NDE1: variants seen among roughly 807,000 people sequenced by gnomAD.
The protein encoded by NDE1 is nudE neurodevelopment protein 1.
A neutral mutation model predicts 43.4 loss-of-function variants in NDE1; 28 were observed. The ratio of observed to expected loss-of-function variants is 0.65; its 90% CI spans 0.48 to 0.89. NDE1 has a LOEUF of 0.89. NDE1 is among the 40% of genes least tolerant of loss of function. The probability of loss-of-function intolerance (pLI) is 0.00; values close to 1 mark genes in which losing one functional copy is unlikely to be tolerated. For missense variants in NDE1, 441 were observed against 434.1 expected (o/e 1.02, Z -0.14); for synonymous variants, 184 against 172.0 (o/e 1.07, Z -0.55).
At position 15,691,256 on chromosome 16, in the gene NDE1, G is replaced by A. The variant is rs1240861371; in HGVS notation, c.636G>A (p.Val212=). 1 of 1,614,074 alleles carries A rather than the reference G, an allele frequency of 6.2e-7. No homozygotes were observed. The highest frequency in any genetic ancestry group is 1.3e-5 in the African/African-American group (1 of 74,926). ...TDTAVQATGS[V]PSTPIAHRGP... Reference sequence around the variant, plus strand: ...CAGCTGTGCAGGCCACGGGCTCCGTGCCGTCCACGCCCATTGCTCACCGAG... The same window carrying A: ...CAGCTGTGCAGGCCACGGGCTCCGTACCGTCCACGCCCATTGCTCACCGAG... The change falls in exon 6 of 9, where the codon GTG becomes GTA. Residue 212 remains valine (V), a synonymous_variant. Transcript: ENST00000396354.
At chr16:15,650,318 TG>T (rs1478164229) in intron 1 of NDE1, 24 bp downstream of exon 1, 1 of 265,304 alleles carries the variant, frequency 3.8e-6, no homozygotes, top group Non-Finnish European at 7.7e-6. Context: ...TGCGCGGGGC[TG>T]GGGTCGGGGT....
At chr16:15,701,457 T>C (rs941943654) in intron 8 of NDE1, 5 of 152,140 alleles carry the variant, frequency 3.3e-5, no homozygotes, top group African/African-American at 1.2e-4. Flanking sequence ...GAGGGGTCTT[T>C]GGGGCAAGAT....
chr16:15,687,958 T>G (rs920998057), intron 5 of NDE1, among the ~76,000 whole-genome samples: 1 of 151,670 alleles, frequency 6.6e-6, no homozygotes, highest in Admixed American at 6.6e-5. Context: ...GAGGATCTCT[T>G]GAGCCCAGGA....
intron 1 of NDE1, among the ~76,000 whole-genome samples, chr16:15,650,801 A>AC (rs1259172059): frequency 6.7e-6 from 1 of 149,384 alleles, no homozygotes; most frequent in Admixed American, 6.7e-5. Context: ...GCGACCCCAG[A>AC]CCCCTCGATT....
intron 8 of NDE1, chr16:15,714,688 G>C: frequency 1.6e-6 from 1 of 624,320 alleles, no homozygotes; most frequent in Non-Finnish European, 2.8e-6. Flanking sequence ...GATCGTTAAA[G>C]GATCTAGAAG....
chr16:15,707,360 T>A (rs920515881), intron 8 of NDE1, among the ~76,000 whole-genome samples: 1 of 152,146 alleles, frequency 6.6e-6, no homozygotes, highest in Non-Finnish European at 1.5e-5. Flanking sequence ...GGACTCAGCT[T>A]ATCCAAGGCC....
At chr16:15,677,715 C>A in intron 3 of NDE1, 86 bp from the exon 4 acceptor site, 1 of 1,492,568 alleles carries the variant, frequency 6.7e-7, no homozygotes, top group Non-Finnish European at 9.3e-7. Context: ...TCCCGAGTAG[C>A]TGTGACTCCA....
upstream of NDE1, chr16:15,649,583 C>A (rs2036403314): frequency 6.6e-6 from 1 of 152,452 alleles, no homozygotes. Context: ...CTTGGCCTCC[C>A]AAAGTGCTGG....
chr16:15,656,575 C>G (rs956515612), intron 1 of NDE1, among the ~76,000 whole-genome samples: 2 of 151,940 alleles, frequency 1.3e-5, no homozygotes, highest in East Asian at 1.9e-4. Context: ...GAGTCTTGCT[C>G]TGTCACCCAG....
intron 8 of NDE1, among the ~76,000 whole-genome samples, chr16:15,715,726 C>T (rs1347269511): frequency 2.0e-5 from 3 of 152,114 alleles, no homozygotes; most frequent in Admixed American, 6.5e-5. Context: ...TAGTTCACTG[C>T]AGCCTTGAAC....
chr16:15,707,641 T>G (rs927401481), intron 8 of NDE1, among the ~76,000 whole-genome samples: 1 of 152,156 alleles, frequency 6.6e-6, no homozygotes, highest in Non-Finnish European at 1.5e-5. Flanking sequence ...AAATGAGGGT[T>G]GGTTTGGCCT....
chr16:15,698,269 C>T (rs902669274), intron 8 of NDE1, among the ~76,000 whole-genome samples: 1 of 152,152 alleles, frequency 6.6e-6, no homozygotes, highest in Non-Finnish European at 1.5e-5. Flanking sequence ...CAGTGGCTCA[C>T]ACTTGTAATC....
intron 8 of NDE1, among the ~76,000 whole-genome samples, chr16:15,709,760 A>G (rs1489323941): frequency 6.6e-6 from 1 of 152,228 alleles, no homozygotes; most frequent in African/African-American, 2.4e-5. Flanking sequence ...ACAGAAGCCA[A>G]GAAGTCCCAG....
intron 1 of NDE1, among the ~76,000 whole-genome samples, chr16:15,660,342 C>G (rs12918827): frequency 0.037 from 5,603 of 151,942 alleles, 303 homozygotes; most frequent in African/African-American, 0.11. Context: ...GCGTAGTGGC[C>G]TATACCTGTA....
At chr16:15,681,171 T>C (rs2038155679) in intron 4 of NDE1, among the ~76,000 whole-genome samples, 1 of 149,048 alleles carries the variant, frequency 6.7e-6, no homozygotes, top group South Asian at 2.1e-4. Flanking sequence ...TATTTTTGTA[T>C]CTAGTATAAG....
chr16:15,706,203 G>A (rs1032785769), intron 8 of NDE1, among the ~76,000 whole-genome samples: 2 of 152,156 alleles, frequency 1.3e-5, no homozygotes, highest in Non-Finnish European at 2.9e-5. Flanking sequence ...GCTTCACAGA[G>A]AAGCTTCTGG....
chr16:15,693,325 C>G lies in NDE1; in HGVS notation c.704-840C>G, dbSNP rs201497820. Among the ~76,000 whole-genome samples, 8 of 152,240 alleles carry G rather than the reference C, an allele frequency of 5.3e-5. No individual in the cohort carries two copies. In the East Asian group the frequency reaches 1.5e-3, roughly 29 times the overall value. ...TGGCCGAGAGATTCTGCATTTCTAA[C>G]AGTTCTCATGTGCTGCTGGTGCATG... is the stretch of plus-strand genomic sequence containing the variant. On this transcript the variant is annotated intron_variant, in intron 6 of 8. Coordinates refer to ENST00000396354, the MANE Select transcript of NDE1 (RefSeq NM_017668.3).
At chr16:15,710,487 C>G (rs1175241491) in intron 8 of NDE1, among the ~76,000 whole-genome samples, 1 of 152,124 alleles carries the variant, frequency 6.6e-6, no homozygotes, top group Non-Finnish European at 1.5e-5. Flanking sequence ...CGCCACTGCA[C>G]TCCAGCCTGG....
At chr16:15,712,446 A>C (rs537375900) in intron 8 of NDE1, among the ~76,000 whole-genome samples, 1 of 151,868 alleles carries the variant, frequency 6.6e-6, no homozygotes, top group African/African-American at 2.4e-5. Context: ...TCAGGAGTTC[A>C]AGACCAGCCT....
Sources: allele counts gnomAD v4.1 joint callset (sites outside exome capture counted in the v4.1 genomes callset), GRCh38; gene constraint gnomAD v4.1.1; transcripts MANE v1.5; gene names NCBI Gene and HGNC (gene_info 2026-07-23, HGNC 2026-07-21).